The following SYNJ1 variants were observed in gnomAD, a reference collection of about 807,000 sequenced individuals.
SYNJ1 encodes synaptojanin 1, also known as polyphosphatidylinositol phosphatase SYNJ1.
A neutral mutation model predicts 168.2 loss-of-function variants in SYNJ1; 78 were observed. That is an observed-to-expected ratio of 0.46 (90% CI 0.39 to 0.56). The LOEUF is 0.56. Among genes scored for constraint, SYNJ1 ranks in the 20% least tolerant of loss-of-function variants. SYNJ1 has a pLI of 0.00. For missense variants in SYNJ1, 1,303 were observed against 1,597.6 expected, an observed-to-expected ratio of 0.82 and a Z score of 3.14; for synonymous variants, 539 against 548.6, an observed-to-expected ratio of 0.98 and a Z score of 0.24.
At chr21:32,637,099 G>T (rs1482320012) in intron 31 of SYNJ1, among the ~76,000 whole-genome samples, 1 of 152,100 alleles carries the variant, frequency 6.6e-6, no homozygotes, top group Non-Finnish European at 1.5e-5. Flanking sequence ...TGCACCTCCG[G>T]AAGTTTTTCA....
intron 4 of SYNJ1, among the ~76,000 whole-genome samples, chr21:32,697,271 C>G (rs570670067): frequency 6.6e-6 from 1 of 152,214 alleles, no homozygotes; most frequent in South Asian, 2.1e-4. Flanking sequence ...TGGTTGTATC[C>G]TGGAAAATAT....
At chr21:32,703,096 A>C (rs1289334017) in intron 2 of SYNJ1, among the ~76,000 whole-genome samples, 1 of 152,228 alleles carries the variant, frequency 6.6e-6, no homozygotes. Context: ...TTTTCAGACC[A>C]CGTAGGCTTA....
chr21:32,669,240 G>C (rs932170207), intron 15 of SYNJ1, among the ~76,000 whole-genome samples: 1 of 152,124 alleles, frequency 6.6e-6, no homozygotes, highest in South Asian at 2.1e-4. Flanking sequence ...AATGACAGAC[G>C]GTGGTTATTC....
chr21:32,677,004 T>G (rs1302621309), intron 12 of SYNJ1, among the ~76,000 whole-genome samples: 2 of 152,202 alleles, frequency 1.3e-5, no homozygotes, highest in African/African-American at 4.8e-5. Flanking sequence ...ATATAACCAT[T>G]AATAAGGCAC....
At chr21:32,705,089 C>T (rs957039846) in intron 2 of SYNJ1, among the ~76,000 whole-genome samples, 11 of 148,370 alleles carry the variant, frequency 7.4e-5, no homozygotes. Flanking sequence ...GCGTAGGTTG[C>T]AGTAAACCGA....
intron 6 of SYNJ1, among the ~76,000 whole-genome samples, chr21:32,689,445 C>T (rs1405907610): frequency 5.9e-5 from 9 of 152,224 alleles, no homozygotes; most frequent in East Asian, 1.9e-4. Context: ...TACAGGCGCC[C>T]GCCACCACGC....
intron 14 of SYNJ1, among the ~76,000 whole-genome samples, chr21:32,671,322 A>G: frequency 6.6e-6 from 1 of 152,128 alleles, no homozygotes; most frequent in South Asian, 2.1e-4. Context: ...GAAAAAAAAA[A>G]GAAGAGCCTA....
At chr21:32,678,565 A>C (rs2041501427) in intron 12 of SYNJ1, 80 bp downstream of exon 12, 1 of 1,415,542 alleles carries the variant, frequency 7.1e-7, no homozygotes, top group Non-Finnish European at 9.3e-7. Flanking sequence ...ACCAACTAAA[A>C]ATTCTGTGTA....
At chr21:32,663,287 T>C (rs150078008) in intron 18 of SYNJ1, among the ~76,000 whole-genome samples, 1,737 of 152,296 alleles carry the variant, frequency 0.011, 32 homozygotes, top group African/African-American at 0.037. Context: ...GGAAAAGAAT[T>C]CACTCACCCC....
At chr21:32,647,755 T>C (rs958358520) in intron 23 of SYNJ1, among the ~76,000 whole-genome samples, 1 of 152,216 alleles carries the variant, frequency 6.6e-6, no homozygotes, top group Non-Finnish European at 1.5e-5. Context: ...CTTTCTGTGA[T>C]AACACTTGGA....
At chr21:32,710,149 G>A (rs1025495286) in intron 2 of SYNJ1, among the ~76,000 whole-genome samples, 2 of 151,970 alleles carry the variant, frequency 1.3e-5, no homozygotes, top group African/African-American at 2.4e-5. Flanking sequence ...GCAGTGAGCC[G>A]AGATTACATC....
intron 26 of SYNJ1, among the ~76,000 whole-genome samples, chr21:32,643,969 A>T (rs1569033582): frequency 6.6e-6 from 1 of 152,228 alleles, no homozygotes; most frequent in Non-Finnish European, 1.5e-5. Context: ...TTACAAAAGA[A>T]TTATGAAGGG....
chr21:32,649,239 T>C (rs2040184336), intron 23 of SYNJ1, among the ~76,000 whole-genome samples: 1 of 152,220 alleles, frequency 6.6e-6, no homozygotes, highest in Non-Finnish European at 1.5e-5. Flanking sequence ...CACCCAGCTG[T>C]ATCTGGCATA....
Position 32,630,769 on chromosome 21 carries a change from T to C in SYNJ1, c.*1036A>G. 1 of 456,674 alleles carries C rather than the reference T, an allele frequency of 2.2e-6. No individual in the cohort carries two copies. Among genetic ancestry groups the C allele is most frequent in the Non-Finnish European group, 3.9e-6 (1 of 259,130 alleles). The allele number at this position is 456,674 out of a possible 1,614,324, so 28.3% of individuals were successfully genotyped here. A position where few individuals can be genotyped will look rare whatever the true frequency, so the allele number is the denominator to read the frequency against. On this transcript the variant is annotated 3_prime_UTR_variant, in exon 33 of 33. Transcript: ENST00000674351. Reference sequence around the variant, plus strand: ...ACTTTTTATGGCTACTACTGTCTCCTATTCATCCAAAGAGAAATACATCAA... The same window carrying C: ...ACTTTTTATGGCTACTACTGTCTCCCATTCATCCAAAGAGAAATACATCAA...
At position 32,657,157 on chromosome 21, in the gene SYNJ1, T is replaced by C. The variant is rs765409904; in HGVS notation, c.2462-37A>G. The C allele has an allele frequency of 3.6e-6, 5 of 1,381,534 alleles. No homozygotes were observed. The Admixed American group carries it at 8.4e-5, about 23-fold the overall frequency. 85.6% of individuals were successfully genotyped at this position (1,381,534 alleles called of 1,614,324 possible). On this transcript the variant is annotated intron_variant, in intron 19 of 32. Transcript: ENST00000674351. ...AGAAATGAAAACACAAGAGAAGCTG[T>C]ATAAGCAGGACAGATCGTGTAGAGC... is the stretch of plus-strand genomic sequence containing the variant.
chr21:32,724,555 T>A (rs978382783), intron 2 of SYNJ1, among the ~76,000 whole-genome samples: 1 of 152,202 alleles, frequency 6.6e-6, no homozygotes, highest in African/African-American at 2.4e-5. Flanking sequence ...TAGATGAATA[T>A]GCAGAATGCA....
Position 32,683,888 on chromosome 21 carries a change from T to C in SYNJ1, c.1200+150A>G, listed in dbSNP as rs961597135. The C allele has an allele frequency of 5.0e-6, 3 of 602,690 alleles. No homozygotes were observed. The Admixed American group carries it at 9.0e-5, about 18-fold the overall frequency. 37.3% of individuals were successfully genotyped at this position (602,690 alleles called of 1,614,324 possible). A position where few individuals can be genotyped will look rare whatever the true frequency, so the allele number is the denominator to read the frequency against. On this transcript the variant is annotated intron_variant, in intron 10 of 32. Transcript: ENST00000674351. The stretch of plus-strand genomic sequence containing the variant: ...GGAAATATTTAAATCAAAAGAAAGT[T>C]TGGCCAAAAAAAGAGACAGAGATTA...
At chr21:32,645,164 T>C (rs1360224027) in intron 25 of SYNJ1, among the ~76,000 whole-genome samples, 158 bp from the exon 26 acceptor site, 1 of 152,250 alleles carries the variant, frequency 6.6e-6, no homozygotes, top group Non-Finnish European at 1.5e-5. Flanking sequence ...CATATGCTTA[T>C]AATTGAAGTA....
intron 25 of SYNJ1, 34 bp downstream of exon 25, chr21:32,645,612 A>C: frequency 6.7e-7 from 1 of 1,501,194 alleles, no homozygotes; most frequent in Non-Finnish European, 8.8e-7. Context: ...GAAGAATTTT[A>C]CATCTAGCAG....
Sources: allele counts gnomAD v4.1 joint callset (sites outside exome capture counted in the v4.1 genomes callset), GRCh38; gene constraint gnomAD v4.1.1; transcripts MANE v1.5; gene names NCBI Gene and HGNC (gene_info 2026-07-23, HGNC 2026-07-21).